PROM1: variants seen among roughly 807,000 people sequenced by gnomAD.
The protein encoded by PROM1 is prominin-1.
PROM1 carries 105 observed loss-of-function variants against 116.9 expected under a neutral mutation model. That is an observed-to-expected ratio of 0.90 (90% CI 0.77 to 1.06). PROM1 has a LOEUF of 1.06. Ranked by LOEUF, PROM1 falls within the 50% of genes least tolerant of loss-of-function variation. The pLI is 0.00. For synonymous variants in PROM1, 393 were observed against 387.0 expected (o/e 1.02, Z -0.18); for missense variants, 1,122 against 1,045.2 (o/e 1.07, Z -1.01).
chr4:16,032,666 C>T (rs1191329551), intron 5 of PROM1, among the ~76,000 whole-genome samples: 5 of 151,952 alleles, frequency 3.3e-5, no homozygotes, highest in East Asian at 3.9e-4. Context: ...AATTTGGACT[C>T]GAAAAAACGT....
rs532948638 is a variant in PROM1, at chr4:16,009,399, C to G, written c.1142-291G>C. ...TAAAGTAGATCAAGTGATTAAAATG[C>G]ATGGTGTGCAGACTACGTGCCAGGC... On this transcript the variant is annotated intron_variant, in intron 11 of 27. Coordinates refer to ENST00000447510, the MANE Select transcript of PROM1 (RefSeq NM_006017.3). Among the ~76,000 whole-genome samples the G allele has an allele frequency of 1.6e-4, 24 of 152,328 alleles. 2 individuals are homozygous for G. The South Asian group carries it at 4.8e-3, about 30-fold the overall frequency.
chr4:16,039,972 G>C (rs1333136140), intron 2 of PROM1, among the ~76,000 whole-genome samples: 3 of 152,042 alleles, frequency 2.0e-5, no homozygotes, highest in East Asian at 3.9e-4. Flanking sequence ...AGTGATTCGT[G>C]AGGAGGCCAG....
chr4:15,975,415 T>G (rs1715860266), intron 26 of PROM1, among the ~76,000 whole-genome samples: 1 of 152,168 alleles, frequency 6.6e-6, no homozygotes, highest in South Asian at 2.1e-4. Flanking sequence ...GAGATGAGGT[T>G]TCACCATGTT....
chr4:16,008,425 C>G (rs76393788), intron 12 of PROM1, among the ~76,000 whole-genome samples: 487 of 152,290 alleles, frequency 3.2e-3, no homozygotes, highest in Non-Finnish European at 5.3e-3. Context: ...TTTCAAGGCA[C>G]AGCTAAGAAA....
chr4:15,970,068 CCTT>C (rs1714029043), intron 27 of PROM1, among the ~76,000 whole-genome samples: 1 of 151,856 alleles, frequency 6.6e-6, no homozygotes, highest in Admixed American at 6.6e-5. Context: ...CTCAAGCAAT[CCTT>C]CTACCACAGC....
intron 12 of PROM1, among the ~76,000 whole-genome samples, chr4:16,006,921 C>T (rs1267162483): frequency 6.6e-6 from 1 of 152,180 alleles, no homozygotes; most frequent in Non-Finnish European, 1.5e-5. Context: ...TTGCATTGTT[C>T]CTGGTGGTCA....
intron 5 of PROM1, among the ~76,000 whole-genome samples, chr4:16,026,529 T>C (rs1047034731): frequency 3.9e-5 from 6 of 152,192 alleles, no homozygotes; most frequent in African/African-American, 1.4e-4. Context: ...AGAAAATCAA[T>C]ACATTGCCTC....
chr4:16,025,719 GCACA>G lies in PROM1; in HGVS notation c.510-411_510-408del, dbSNP rs139033375. On this transcript the variant is annotated intron_variant, in intron 5 of 27. Coordinates refer to ENST00000447510, the MANE Select transcript of PROM1 (RefSeq NM_006017.3). ...TGCATGTGTGTGAACACACACACAC[GCACA>G]CACACACACACACACACTTCTGCTC... Among the ~76,000 whole-genome samples the G allele has an allele frequency of 3.0e-3, 445 of 150,244 alleles. 2 individuals are homozygous for G. The highest frequency in any genetic ancestry group is 4.1e-3 in the Non-Finnish European group (275 of 67,370).
chr4:15,993,560 A>C (rs1721580533), intron 16 of PROM1, among the ~76,000 whole-genome samples: 1 of 152,074 alleles, frequency 6.6e-6, no homozygotes, highest in Non-Finnish European at 1.5e-5. Context: ...ATAAGGAAGG[A>C]GAACGGTATG....
chr4:16,028,222 T>C (rs930696782), intron 5 of PROM1, among the ~76,000 whole-genome samples: 2 of 152,202 alleles, frequency 1.3e-5, no homozygotes, highest in Non-Finnish European at 2.9e-5. Flanking sequence ...TCAAAGCTGA[T>C]TTTCAAACTA....
intron 2 of PROM1, among the ~76,000 whole-genome samples, chr4:16,043,968 G>T (rs1735934563): frequency 6.6e-6 from 1 of 152,210 alleles, no homozygotes; most frequent in Non-Finnish European, 1.5e-5. Context: ...CAGGTCAGGG[G>T]ACAGCGCTGG....
intron 1 of PROM1, 38 bp downstream of exon 1, chr4:16,083,940 G>A (rs7667878): frequency 0.67 from 101,925 of 152,086 alleles, 36,179 homozygotes; most frequent in Non-Finnish European, 0.8. Flanking sequence ...CTAGGTATGG[G>A]GCCGCCGTAA....
chr4:15,989,634 G>T, intron 19 of PROM1, 98 bp downstream of exon 19: 2 of 1,021,720 alleles, frequency 2.0e-6, no homozygotes, highest in Non-Finnish European at 3.0e-6. Context: ...TGGGACCTAT[G>T]AGAGATGAGC....
rs773743614 is a variant in PROM1, at chr4:15,986,033, C to G, written c.2135G>C (p.Arg712Thr). ...LQRTGNGLLE[R>T]VTRILASLDF... Reference sequence around the variant, plus strand: ...CAGAGAAGCTAGAATCCTAGTTACTCTCTCCTGAAAGACACAGCCACAGTT... The same window carrying G: ...CAGAGAAGCTAGAATCCTAGTTACTGTCTCCTGAAAGACACAGCCACAGTT... The change falls in exon 21 of 28, where the codon AGA becomes ACA. Residue 712 changes from arginine to threonine, a missense_variant. Physicochemically the swap from Arg to Thr is moderately conservative, Grantham distance 71. Coordinates refer to ENST00000447510, the MANE Select transcript of PROM1 (RefSeq NM_006017.3). 1.9e-6 allele frequency: 3 copies of G among 1,566,062 alleles called. No homozygotes were observed. The highest frequency in any genetic ancestry group is 1.7e-4 in the Middle Eastern group (1 of 5,998).
intron 2 of PROM1, among the ~76,000 whole-genome samples, chr4:16,062,476 G>A (rs1740579041): frequency 6.6e-6 from 1 of 152,106 alleles, no homozygotes; most frequent in Admixed American, 6.5e-5. Context: ...AAGAGAAGGA[G>A]CATTAAAAAC....
chr4:15,991,302 G>T lies in PROM1; in HGVS notation c.1912-9C>A. On this transcript the variant is annotated splice_polypyrimidine_tract_variant and intron_variant, in intron 17 of 27. Transcript: ENST00000447510. ...GCGGGGGATTTACCAGTCTACAATA[G>T]AAGTGAAAAAAATTGTCTTATGGAT... 6.3e-7 allele frequency: 1 copy of T among 1,579,910 alleles called. No individual in the cohort carries two copies. The highest frequency in any genetic ancestry group is 8.6e-7 in the Non-Finnish European group (1 of 1,167,706).
At chr4:15,985,683 C>A in intron 22 of PROM1, 77 bp downstream of exon 22, 1 of 1,044,028 alleles carries the variant, frequency 9.6e-7, no homozygotes, top group Non-Finnish European at 1.4e-6. Context: ...AATTTTATTT[C>A]TTCCAGATTT....
At chr4:16,006,294 T>C (rs919992867) in intron 13 of PROM1, among the ~76,000 whole-genome samples, 4 of 152,246 alleles carry the variant, frequency 2.6e-5, no homozygotes, top group Non-Finnish European at 5.9e-5. Context: ...AGCTGGTCTA[T>C]CAAAATGCAA....
At position 16,028,345 on chromosome 4, in the gene PROM1, C is replaced by CT. The variant is rs572968173; in HGVS notation, c.510-3034dup. Among the ~76,000 whole-genome samples, 219 of 152,142 alleles carry CT rather than the reference C, an allele frequency of 1.4e-3. 2 individuals are homozygous for CT. The highest frequency in any genetic ancestry group is 4.9e-3 in the African/African-American group (204 of 41,460). ...TGGGAGCTGGGAGATCAAAAATGGG[C>CT]TGGAGGAGCAGCTAAATCTGCAGGT... On this transcript the variant is annotated intron_variant, in intron 5 of 27. Transcript: ENST00000447510.
Sources: allele counts gnomAD v4.1 joint callset (sites outside exome capture counted in the v4.1 genomes callset), GRCh38; gene constraint gnomAD v4.1.1; transcripts MANE v1.5; gene names NCBI Gene and HGNC (gene_info 2026-07-23, HGNC 2026-07-21).